TRPM7: variants seen among roughly 807,000 people sequenced by gnomAD.
TRPM7 encodes the protein transient receptor potential cation channel subfamily M member 7.
Under a neutral mutation model 229.7 loss-of-function variants are expected in TRPM7, and 134 were observed. The ratio of observed to expected loss-of-function variants is 0.58; its 90% CI spans 0.51 to 0.67. TRPM7 has a LOEUF of 0.67. TRPM7 is among the 30% of genes least tolerant of loss of function. The probability of loss-of-function intolerance (pLI) is 0.00; values close to 1 mark genes in which losing one functional copy is unlikely to be tolerated. For missense variants in TRPM7, 1,901 were observed against 2,210.0 expected (o/e 0.86, Z 2.80); for synonymous variants, 699 against 715.2 (o/e 0.98, Z 0.36).
chr15:50,613,554 T>A (rs1329218040), intron 15 of TRPM7, among the ~76,000 whole-genome samples, 153 bp downstream of exon 15: 2 of 148,186 alleles, frequency 1.3e-5, no homozygotes, highest in African/African-American at 5.0e-5. Context: ...ATAATTAATA[T>A]CTCTGTGTGT....
chr15:50,608,880 T>A (rs150365498), intron 19 of TRPM7, among the ~76,000 whole-genome samples: 48 of 152,352 alleles, frequency 3.2e-4, no homozygotes, highest in African/African-American at 1.2e-3. Flanking sequence ...TCCTTCAGGT[T>A]GGTCCATTGC....
At chr15:50,670,975 A>C (rs2061976056) in intron 1 of TRPM7, among the ~76,000 whole-genome samples, 1 of 152,252 alleles carries the variant, frequency 6.6e-6, no homozygotes, top group East Asian at 1.9e-4. Context: ...GGAATTTGAG[A>C]CCAGATAAAA....
rs896758444 is a variant in TRPM7 at position 50,557,446 on chromosome 15, C to T, written c.*4232G>A. ...CTACTAACTATGAAAACAACATAGT[C>T]TGACTTGAGAGTGGGGAAAGTGGAA... On this transcript the variant is annotated 3_prime_UTR_variant, in exon 39 of 39. Coordinates refer to ENST00000646667, the MANE Select transcript of TRPM7 (RefSeq NM_017672.6). 1 of 152,112 alleles carries T rather than the reference C, an allele frequency of 6.6e-6. No individual in the cohort carries two copies. Among genetic ancestry groups the T allele is most frequent in the African/African-American group, 2.4e-5 (1 of 41,418 alleles). The allele number at this position is 152,112 out of a possible 1,614,324, so 9.4% of individuals were successfully genotyped here.
rs796592116 is a variant in TRPM7, at chr15:50,618,358, C to G, written c.1494+1387G>C. Among the ~76,000 whole-genome samples the G allele has an allele frequency of 6.6e-5, 10 of 152,144 alleles. No individual in the cohort carries two copies. In the East Asian group the frequency reaches 9.7e-4, roughly 15 times the overall value. ...GGCCAAGGAGGGCAGATCACGAGGT[C>G]AGGAGATCGAGACCATCCTGGCTAA... On this transcript the variant is annotated intron_variant, in intron 13 of 38. Coordinates refer to ENST00000646667, the MANE Select transcript of TRPM7 (RefSeq NM_017672.6).
intron 1 of TRPM7, among the ~76,000 whole-genome samples, chr15:50,675,321 C>T (rs1197233167): frequency 2.6e-5 from 4 of 151,218 alleles, no homozygotes; most frequent in East Asian, 3.9e-4. Flanking sequence ...CCAACCCAGG[C>T]GACAAGAGCA....
intron 6 of TRPM7, 94 bp from the exon 7 acceptor site, chr15:50,637,687 G>C: frequency 9.0e-7 from 1 of 1,108,772 alleles, no homozygotes; most frequent in Non-Finnish European, 1.3e-6. Flanking sequence ...CAAGTAAGAA[G>C]TAAAATTCTA....
intron 38 of TRPM7, 120 bp downstream of exon 38, chr15:50,569,767 C>A: frequency 1.9e-6 from 1 of 518,150 alleles, no homozygotes; most frequent in Non-Finnish European, 3.4e-6. Context: ...AAAAGAGCTG[C>A]TGAAGCTGGC....
chr15:50,614,654 G>A (rs2060166114), intron 13 of TRPM7, among the ~76,000 whole-genome samples: 1 of 114,944 alleles, frequency 8.7e-6, no homozygotes, highest in East Asian at 2.6e-4. Flanking sequence ...GACAGAGCAA[G>A]ACTTGGTCTC....
intron 27 of TRPM7, among the ~76,000 whole-genome samples, chr15:50,589,096 C>T (rs910518283): frequency 6.6e-6 from 1 of 152,074 alleles, no homozygotes; most frequent in Admixed American, 6.5e-5. Context: ...CCGAGGCAGG[C>T]GGATCGCTTG....
Position 50,593,652 on chromosome 15 carries a change from A to G in TRPM7, c.3573T>C (p.Ser1191=), listed in dbSNP as rs2059560910. 2 of 1,612,186 alleles carry G rather than the reference A, an allele frequency of 1.2e-6. No homozygotes were observed. The highest frequency in any genetic ancestry group is 4.5e-5 in the East Asian group (2 of 44,750). ...YFNEKDDKFH[S]GSEERIRVTF... is the part of the protein sequence containing the mutation. ...TGACACGAATTCTCTCTTCACTCCCAGAATGAAATTTGTCATCTTTTTCAT... is the reference window on the plus strand; with the variant it reads ...TGACACGAATTCTCTCTTCACTCCCGGAATGAAATTTGTCATCTTTTTCAT... The change falls in exon 25 of 39, where the codon TCT becomes TCC. Residue 1191 remains serine (S), a synonymous_variant. Coordinates refer to ENST00000646667, the MANE Select transcript of TRPM7 (RefSeq NM_017672.6).
intron 27 of TRPM7, chr15:50,588,144 ATT>A (rs2059390736): frequency 1.2e-6 from 1 of 864,346 alleles, no homozygotes; most frequent in Admixed American, 6.2e-5. Context: ...ACATGGGTAT[ATT>A]TTAAGCTGAC....
intron 26 of TRPM7, among the ~76,000 whole-genome samples, chr15:50,591,682 G>C (rs1180552431): frequency 6.6e-6 from 1 of 151,950 alleles, no homozygotes; most frequent in Admixed American, 6.6e-5. Context: ...ATTTTTTGTA[G>C]AGATGGGGTC....
intron 4 of TRPM7, among the ~76,000 whole-genome samples, chr15:50,645,319 G>T (rs1441983974): frequency 6.6e-6 from 1 of 152,116 alleles, no homozygotes; most frequent in African/African-American, 2.4e-5. Context: ...TGGGATTATA[G>T]GCATGAGCTA....
Position 50,640,872 on chromosome 15 carries a change from T to A in TRPM7, c.536-1324A>T, listed in dbSNP as rs183450455. 2.6e-5 allele frequency among the ~76,000 whole-genome samples: 4 copies of A among 152,304 alleles called. No homozygotes were observed. In the East Asian group the frequency reaches 7.7e-4, roughly 29 times the overall value. On this transcript the variant is annotated intron_variant, in intron 5 of 38. Transcript: ENST00000646667. ...AGGACACAGTGTGAAGATGACCATG[T>A]GCAAGCCAAAGAGAGAGGCCCCAAG...
At chr15:50,682,291 C>A (rs765181136) in intron 1 of TRPM7, among the ~76,000 whole-genome samples, 2 of 151,250 alleles carry the variant, frequency 1.3e-5, no homozygotes, top group African/African-American at 2.4e-5. Context: ...TAACAGGGTT[C>A]TAAAACCCCT....
rs528443444 is a variant in TRPM7, at chr15:50,571,265, G to A, written c.5309-1110C>T. On this transcript the variant is annotated intron_variant, in intron 36 of 38. Transcript: ENST00000646667. The stretch of plus-strand genomic sequence containing the variant: ...AGACTGTAGAGAAGCAGGAACTTCC[G>A]TAGAAGGCTGAGTATGATTTCTGAT... 2.8e-4 allele frequency among the ~76,000 whole-genome samples: 42 copies of A among 152,298 alleles called. No homozygotes were observed. The South Asian group carries it at 6.0e-3, about 22-fold the overall frequency.
chr15:50,652,432 T>C (rs78876651), intron 3 of TRPM7, among the ~76,000 whole-genome samples: 2,095 of 87,674 alleles, frequency 0.024, 59 homozygotes, highest in African/African-American at 0.089. Context: ...AAAAGATAAA[T>C]AAAATTGATA....
At chr15:50,634,263 G>T in intron 8 of TRPM7, 119 bp downstream of exon 8, 1 of 738,576 alleles carries the variant, frequency 1.4e-6, no homozygotes, top group Non-Finnish European at 1.9e-6. Context: ...GGAGGTTGTA[G>T]TAAGCCAAGA....
intron 12 of TRPM7, among the ~76,000 whole-genome samples, chr15:50,620,348 T>TA (rs1489940138): frequency 1.3e-5 from 2 of 151,990 alleles, no homozygotes; most frequent in Non-Finnish European, 2.9e-5. Context: ...TCGTTAGTGT[T>TA]AGTGTATTTT....
Sources: gnomAD v4.1 joint callset for allele counts (sites outside exome capture counted in the v4.1 genomes callset) on GRCh38, gnomAD v4.1.1 for gene constraint, MANE v1.5 for transcripts, NCBI Gene and HGNC (gene_info 2026-07-23, HGNC 2026-07-21) for gene names.